Variants in SBF2 observed in about 807,000 individuals in gnomAD.
SBF2 encodes the protein SET binding factor 2, also known as myotubularin-related protein 13.
A neutral mutation model predicts 225.2 loss-of-function variants in SBF2; 112 were observed. The ratio of observed to expected loss-of-function variants is 0.50; its 90% confidence interval spans 0.43 to 0.58. The LOEUF (loss-of-function observed/expected upper bound fraction) is 0.58, where lower values mean the gene tolerates loss of function less well. Ranked by LOEUF, SBF2 falls within the 20% of genes least tolerant of loss-of-function variation. The pLI, the probability that SBF2 is intolerant of heterozygous loss-of-function variation, is 0.00. For synonymous variants in SBF2, 763 were observed against 773.3 expected (o/e 0.99, Z 0.22); for missense variants, 1,996 against 2,206.2 (o/e 0.90, Z 1.91).
At chr11:9,787,561 G>C in intron 36 of SBF2, 73 bp downstream of exon 36, 2 of 1,284,182 alleles carry the variant, frequency 1.6e-6, no homozygotes, top group Non-Finnish European at 2.3e-6. Flanking sequence ...TGTCACCTGT[G>C]GCAGCAGGCT....
chr11:10,195,712 T>C (rs1372255888), intron 1 of SBF2, among the ~76,000 whole-genome samples: 2 of 152,224 alleles, frequency 1.3e-5, no homozygotes, highest in African/African-American at 4.8e-5. Flanking sequence ...ACATTCACTT[T>C]ACTGACCAAC....
At position 9,789,196 on chromosome 11, in the gene SBF2, A is replaced by C; in HGVS notation, c.4845T>G (p.Ala1615=). 6.2e-7 allele frequency: 1 copy of C among 1,614,192 alleles called. No individual in the cohort carries two copies. The highest frequency in any genetic ancestry group is 8.5e-7 in the Non-Finnish European group (1 of 1,180,042). ...CTGTTCTCCTCTGGCTCCGTGGCCC[A>C]GCTTCTCCAGCCAGGTCAGAGTCTT... ...PSEDSDLAGE[A]GPRSQRRTVW... Residue 1615 remains alanine, a synonymous_variant, in exon 35 of 40, where the codon GCT becomes GCG. Coordinates refer to ENST00000256190, the MANE Select transcript of SBF2 (RefSeq NM_030962.4).
At chr11:9,914,008 T>C (rs990516949) in intron 16 of SBF2, among the ~76,000 whole-genome samples, 2 of 152,222 alleles carry the variant, frequency 1.3e-5, no homozygotes, top group Admixed American at 6.5e-5. Flanking sequence ...CCAGGCCTTA[T>C]AGCAGTTCCT....
intron 1 of SBF2, among the ~76,000 whole-genome samples, chr11:10,268,667 A>G (rs1355075048): frequency 6.6e-6 from 1 of 152,246 alleles, no homozygotes; most frequent in African/African-American, 2.4e-5. Context: ...TTCTGCTAAA[A>G]AAGTAGTAGT....
At chr11:9,932,045 C>G (rs1165067053) in intron 16 of SBF2, among the ~76,000 whole-genome samples, 1 of 151,960 alleles carries the variant, frequency 6.6e-6, no homozygotes, top group Non-Finnish European at 1.5e-5. Context: ...TTGAAGATCA[C>G]ATTAATGAAA....
Position 10,303,157 on chromosome 11 carries a change from T to C in SBF2, n.386+1335A>G, listed in dbSNP as rs1428237640. ...TGGTCACCGAGCAGGCGTTCAGTAA[T>C]AGCTGCTGTCTGCGGTGCAGACGGA... On this transcript the variant is annotated intron_variant and non_coding_transcript_variant, in intron 1 of 5. Coordinates refer to the SBF2 transcript ENST00000685217. The surrounding 1 kb of genome is among the most constrained non-coding windows in gnomAD (Gnocchi z 5.2). 3 of 152,246 alleles carry C rather than the reference T, an allele frequency of 2.0e-5. No individual in the cohort carries two copies. Among genetic ancestry groups the C allele is most frequent in the South Asian group, 2.1e-4 (1 of 4,834 alleles). 9.4% of individuals were successfully genotyped at this position (152,246 alleles called of 1,614,324 possible).
intron 37 of SBF2, chr11:9,784,859 T>C: frequency 1.9e-6 from 1 of 539,348 alleles, no homozygotes; most frequent in Non-Finnish European, 3.3e-6. Flanking sequence ...TGACACATGT[T>C]CCCTCAAACG....
intron 14 of SBF2, among the ~76,000 whole-genome samples, chr11:9,967,802 C>T (rs927858835): frequency 1.3e-5 from 2 of 151,976 alleles, no homozygotes; most frequent in African/African-American, 4.8e-5. Context: ...GTAATCCCAG[C>T]TACTCAGGAG....
chr11:9,944,701 G>A (rs12362147), intron 16 of SBF2, among the ~76,000 whole-genome samples: 2,020 of 152,220 alleles, frequency 0.013, 44 homozygotes, highest in African/African-American at 0.046. Context: ...TCAAGGATTC[G>A]AAGAATCAAT....
intron 1 of SBF2, among the ~76,000 whole-genome samples, chr11:10,255,745 G>A (rs1376024341): frequency 3.9e-5 from 6 of 152,184 alleles, no homozygotes; most frequent in Non-Finnish European, 7.3e-5. Context: ...CAAAAAGTCA[G>A]TGTGACTAAT....
chr11:9,858,415 T>C lies in SBF2; in HGVS notation c.1930-19A>G. The C allele has an allele frequency of 1.9e-6, 3 of 1,613,714 alleles. No individual in the cohort carries two copies. Among genetic ancestry groups the C allele is most frequent in the Non-Finnish European group, 1.7e-6 (2 of 1,179,646 alleles). On this transcript the variant is annotated intron_variant, in intron 17 of 39. Coordinates refer to ENST00000256190, the MANE Select transcript of SBF2 (RefSeq NM_030962.4). The stretch of plus-strand genomic sequence containing the variant: ...CAAGTTTCTGTGAGAACACACAAAA[T>C]ACATCATCATGGGGCTGGCAGAATT...
chr11:9,780,628 G>A (rs547645962), intron 39 of SBF2, 112 bp from the exon 40 acceptor site: 23 of 839,414 alleles, frequency 2.7e-5, no homozygotes, highest in Non-Finnish European at 4.0e-5. Flanking sequence ...GCCCCAGAAC[G>A]TCTGTATGAA....
intron 2 of SBF2, among the ~76,000 whole-genome samples, chr11:10,159,142 C>G (rs1480882990): frequency 1.3e-5 from 2 of 150,956 alleles, no homozygotes; most frequent in African/African-American, 4.8e-5. Context: ...TGAAAGAGAT[C>G]TAACTTAACC....
intron 2 of SBF2, among the ~76,000 whole-genome samples, chr11:10,180,446 C>A (rs1017100536): frequency 6.6e-6 from 1 of 152,132 alleles, no homozygotes; most frequent in African/African-American, 2.4e-5. Flanking sequence ...GTCAGACATA[C>A]TAGAGCTCTA....
At chr11:9,903,634 G>A (rs1174123766) in intron 16 of SBF2, among the ~76,000 whole-genome samples, 3 of 152,172 alleles carry the variant, frequency 2.0e-5, no homozygotes, top group Admixed American at 1.3e-4. Context: ...GCTTGGAAGA[G>A]ACCCAAGCGG....
intron 32 of SBF2, among the ~76,000 whole-genome samples, chr11:9,801,753 T>C (rs1421243002): frequency 6.6e-6 from 1 of 152,234 alleles, no homozygotes; most frequent in Non-Finnish European, 1.5e-5. Context: ...AGTTTGCAGT[T>C]GAATAGGCAG....
chr11:9,845,813 T>C, intron 23 of SBF2, 73 bp from the exon 24 acceptor site: 3 of 1,398,458 alleles, frequency 2.1e-6, no homozygotes, highest in Non-Finnish European at 2.0e-6. Context: ...AACAACAGAA[T>C]ATAATAACAC....
At chr11:10,258,233 T>C (rs1769354681) in intron 1 of SBF2, among the ~76,000 whole-genome samples, 1 of 151,838 alleles carries the variant, frequency 6.6e-6, no homozygotes, top group South Asian at 2.1e-4. Context: ...GCCCCCAGAG[T>C]AGCTAGGACT....
At chr11:10,005,532 T>G (rs1461912257) in intron 6 of SBF2, among the ~76,000 whole-genome samples, 1 of 152,140 alleles carries the variant, frequency 6.6e-6, no homozygotes, top group East Asian at 1.9e-4. Flanking sequence ...TCTAATACTT[T>G]AAAATAAACT....
Sources: gnomAD v4.1 joint callset for allele counts (sites outside exome capture counted in the v4.1 genomes callset) on GRCh38, gnomAD v4.1.1 for gene constraint, Gnocchi (gnomAD v3.1) non-coding constraint, MANE v1.5 for transcripts, NCBI Gene and HGNC (gene_info 2026-07-23, HGNC 2026-07-21) for gene names.